CADM2: variants seen among roughly 807,000 people sequenced by gnomAD.
The protein encoded by CADM2 is cell adhesion molecule 2, also known as immunoglobulin superfamily member 4D.
In CADM2, 12 loss-of-function variants were observed where a neutral mutation model predicts 49.8. That is an observed-to-expected ratio of 0.24 (90% CI 0.15 to 0.39). The LOEUF (loss-of-function observed/expected upper bound fraction) is 0.39, where lower values mean the gene tolerates loss of function less well. Ranked by LOEUF, CADM2 falls within the 10% of genes least tolerant of loss-of-function variation. The pLI, the probability that CADM2 is intolerant of heterozygous loss-of-function variation, is 1.00. For missense variants in CADM2, 378 were observed against 492.3 expected (o/e 0.77, Z 2.20); for synonymous variants, 214 against 175.4 (o/e 1.22, Z -1.74).
intron 1 of CADM2, among the ~76,000 whole-genome samples, chr3:85,161,272 G>C (rs1013058779): frequency 6.6e-6 from 1 of 152,306 alleles, no homozygotes; most frequent in South Asian, 2.1e-4. Flanking sequence ...GAGAACCTCA[G>C]TGGAAAAATT....
intron 8 of CADM2, among the ~76,000 whole-genome samples, chr3:86,027,640 G>A (rs1162242142): frequency 6.6e-6 from 1 of 151,882 alleles, no homozygotes; most frequent in African/African-American, 2.4e-5. Flanking sequence ...CATGTTTATG[G>A]GAATACTGGA....
intron 1 of CADM2, among the ~76,000 whole-genome samples, chr3:85,126,218 T>C (rs1254162477): frequency 6.6e-6 from 1 of 152,142 alleles, no homozygotes; most frequent in African/African-American, 2.4e-5. Flanking sequence ...GAAATTATAA[T>C]AGGTAGAATC....
intron 1 of CADM2, among the ~76,000 whole-genome samples, chr3:85,379,379 T>C (rs1000728446): frequency 3.9e-5 from 6 of 152,012 alleles, no homozygotes; most frequent in Non-Finnish European, 8.8e-5. Flanking sequence ...AAATGTTTTA[T>C]AGTTTTCTAA....
At chr3:85,590,371 GT>G (rs796398668) in intron 1 of CADM2, among the ~76,000 whole-genome samples, 3 of 152,062 alleles carry the variant, frequency 2.0e-5, no homozygotes, top group African/African-American at 7.2e-5. Flanking sequence ...GCGCTTTATA[GT>G]ACTTGACCTC....
intron 2 of CADM2, among the ~76,000 whole-genome samples, chr3:85,778,699 T>C (rs1456461938): frequency 6.6e-6 from 1 of 152,176 alleles, no homozygotes; most frequent in African/African-American, 2.4e-5. Context: ...AATGTGAGAA[T>C]GGAATAACAC....
chr3:85,358,007 T>C (rs928799963), intron 1 of CADM2, among the ~76,000 whole-genome samples: 5 of 152,166 alleles, frequency 3.3e-5, no homozygotes, highest in African/African-American at 7.2e-5. Flanking sequence ...CTTTATGTCC[T>C]ACAAATGTAT....
At chr3:85,509,535 A>T (rs953828098) in intron 1 of CADM2, among the ~76,000 whole-genome samples, 2 of 152,144 alleles carry the variant, frequency 1.3e-5, no homozygotes, top group Non-Finnish European at 2.9e-5. Context: ...TTCAAGTTAC[A>T]TTAACTGTTT....
intron 1 of CADM2, among the ~76,000 whole-genome samples, chr3:85,681,857 C>G (rs899671139): frequency 2.4e-4 from 37 of 152,044 alleles, no homozygotes; most frequent in Admixed American, 1.3e-4. Context: ...AAAATTATTG[C>G]AAAAACGTAT....
At chr3:85,119,810 T>A (rs2038787388) in intron 1 of CADM2, among the ~76,000 whole-genome samples, 1 of 152,174 alleles carries the variant, frequency 6.6e-6, no homozygotes, top group African/African-American at 2.4e-5. Context: ...TTGTCTATTG[T>A]TGGTGTATAT....
chr3:85,729,381 A>G (rs2067840216), intron 2 of CADM2, among the ~76,000 whole-genome samples: 1 of 152,146 alleles, frequency 6.6e-6, no homozygotes, highest in Admixed American at 6.5e-5. Context: ...GCCATTTTCT[A>G]GACAATTGTG....
At chr3:85,235,058 CT>C (rs1439341936) in intron 1 of CADM2, among the ~76,000 whole-genome samples, 1 of 151,980 alleles carries the variant, frequency 6.6e-6, no homozygotes, top group African/African-American at 2.4e-5. Flanking sequence ...TCTCTCACCC[CT>C]GACTTTTGTT....
intron 1 of CADM2, among the ~76,000 whole-genome samples, chr3:84,968,284 G>A (rs1156714552): frequency 6.6e-6 from 1 of 151,838 alleles, no homozygotes; most frequent in Non-Finnish European, 1.5e-5. Flanking sequence ...CTTTACTCAT[G>A]TGCAGCTTTC....
chr3:86,067,249 T>G lies in CADM2; in HGVS notation c.*466T>G, dbSNP rs2107445861. The G allele has an allele frequency of 6.5e-6, 1 of 153,328 alleles. No homozygotes were observed. The highest frequency in any genetic ancestry group is 1.5e-5 in the Non-Finnish European group (1 of 68,518). The allele number at this position is 153,328 out of a possible 1,614,324, so 9.5% of individuals were successfully genotyped here. A position where few individuals can be genotyped will look rare whatever the true frequency, so the allele number is the denominator to read the frequency against. On this transcript the variant is annotated 3_prime_UTR_variant, in exon 10 of 10. Transcript: ENST00000383699. ...TAAGTGAAGGTTAGAGGTTTACAAT[T>G]AATGTTTTCTACATGTCTGTCTTCA...
intron 6 of CADM2, among the ~76,000 whole-genome samples, chr3:85,925,484 T>C (rs1389563318): frequency 6.6e-6 from 1 of 152,112 alleles, no homozygotes; most frequent in African/African-American, 2.4e-5. Context: ...TACTACAGAA[T>C]TACAAACGGG....
At chr3:85,224,082 A>C (rs568072711) in intron 1 of CADM2, among the ~76,000 whole-genome samples, 2 of 152,236 alleles carry the variant, frequency 1.3e-5, no homozygotes, top group African/African-American at 4.8e-5. Context: ...ACGTATCTTT[A>C]TAGTAGAATG....
intron 1 of CADM2, among the ~76,000 whole-genome samples, chr3:85,701,667 A>G (rs2107709785): frequency 6.6e-6 from 1 of 152,180 alleles, no homozygotes; most frequent in East Asian, 1.9e-4. Context: ...GATTCTACAT[A>G]TTTACCAACT....
chr3:86,008,241 G>T (rs1425858448), intron 8 of CADM2, among the ~76,000 whole-genome samples: 2 of 152,114 alleles, frequency 1.3e-5, no homozygotes, highest in Admixed American at 1.3e-4. Flanking sequence ...AAAGACACGT[G>T]CAGCCTGTTT....
In CADM2 at chr3:85,219,292, A is replaced by T. The variant is rs572119586; in HGVS notation, c.61+259624A>T. Among the ~76,000 whole-genome samples the T allele has an allele frequency of 6.1e-4, 93 of 152,272 alleles. No individual in the cohort carries two copies. The South Asian group carries it at 0.019, about 31-fold the overall frequency. ...TTGATTTGATTTTTTATTTTTAGTA[A>T]TATTTGATGGATTGAGAGACTCAGC... On this transcript the variant is annotated intron_variant, in intron 1 of 9. Coordinates refer to ENST00000383699, the MANE Select transcript of CADM2 (RefSeq NM_001167675.2).
intron 1 of CADM2, among the ~76,000 whole-genome samples, chr3:85,553,737 C>G (rs764888867): frequency 1.8e-4 from 28 of 152,102 alleles, no homozygotes; most frequent in Non-Finnish European, 3.4e-4. Flanking sequence ...TATGTCAATT[C>G]AGGCGTAAAC....
Sources: gnomAD v4.1 joint callset for allele counts (sites outside exome capture counted in the v4.1 genomes callset) on GRCh38, gnomAD v4.1.1 for gene constraint, MANE v1.5 for transcripts, NCBI Gene and HGNC (gene_info 2026-07-23, HGNC 2026-07-21) for gene names.